ATP2B2: variants seen among roughly 807,000 people sequenced by gnomAD.
The protein encoded by ATP2B2 is ATPase plasma membrane Ca2+ transporting 2, also known as plasma membrane calcium-transporting ATPase 2.
ATP2B2 carries 15 observed loss-of-function variants against 120.0 expected under a neutral mutation model. The ratio of observed to expected loss-of-function variants is 0.12; its 90% CI spans 0.08 to 0.19. The LOEUF (loss-of-function observed/expected upper bound fraction) is 0.19, where lower values mean the gene tolerates loss of function less well. Among genes scored for constraint, ATP2B2 ranks in the 10% least tolerant of loss-of-function variants. The pLI is 1.00. For synonymous variants in ATP2B2, 694 were observed against 700.3 expected, an observed-to-expected ratio of 0.99 and a Z score of 0.14; for missense variants, 1,045 against 1,719.8, an observed-to-expected ratio of 0.61 and a Z score of 6.94.
At chr3:10,572,972 T>C (rs778245344) in intron 2 of ATP2B2, among the ~76,000 whole-genome samples, 1 of 152,186 alleles carries the variant, frequency 6.6e-6, no homozygotes, top group Non-Finnish European at 1.5e-5. Flanking sequence ...TAATCACTAA[T>C]GATGGAATTT....
chr3:10,469,479 T>C (rs976632866), intron 1 of ATP2B2, among the ~76,000 whole-genome samples: 1 of 152,166 alleles, frequency 6.6e-6, no homozygotes, highest in Non-Finnish European at 1.5e-5. Flanking sequence ...AAGGGTGATA[T>C]GATTTGTTAA....
At chr3:10,628,671 C>T (rs1175981211) in intron 1 of ATP2B2, among the ~76,000 whole-genome samples, 1 of 152,220 alleles carries the variant, frequency 6.6e-6, no homozygotes, top group South Asian at 2.1e-4. Context: ...ATAGCAACTG[C>T]CACGGTGGGA....
At chr3:10,394,445 T>C (rs1301986159) in intron 5 of ATP2B2, 2 of 470,898 alleles carry the variant, frequency 4.2e-6, no homozygotes, top group African/African-American at 4.0e-5. Context: ...GCTTGAGTGA[T>C]GGCCCAGGGT....
chr3:10,449,437 T>C lies in ATP2B2; in HGVS notation c.107A>G (p.Glu36Gly). ...GACCACAGCCTCAGTGCCCCGCAGCTCCATGAGGGAGCGGAGCTCCTCCAT... is the reference window on the plus strand; with the variant it reads ...GACCACAGCCTCAGTGCCCCGCAGCCCCATGAGGGAGCGGAGCTCCTCCAT... ...CTMEELRSLM[E>G]LRGTEAVVKI... The change falls in exon 2 of 23, where the codon GAG becomes GGG. Residue 36 changes from glutamate to glycine, a missense_variant. Glu to Gly is a moderately conservative substitution (Grantham distance 98). Around this residue, in one of 11 missense-constraint regions of ATP2B2, gnomAD observed 139 missense variants for 134.2 expected, o/e 1.04. Coordinates refer to ENST00000360273, the MANE Select transcript of ATP2B2 (RefSeq NM_001001331.4). 6.2e-7 allele frequency: 1 copy of C among 1,614,234 alleles called. No individual in the cohort carries two copies. The highest frequency in any genetic ancestry group is 8.5e-7 in the Non-Finnish European group (1 of 1,180,048).
intron 1 of ATP2B2, among the ~76,000 whole-genome samples, chr3:10,659,348 C>A (rs1299708109): frequency 2.0e-5 from 3 of 152,098 alleles, no homozygotes; most frequent in Admixed American, 2.0e-4. Flanking sequence ...TTCAGGAAAC[C>A]CATCTCATGT....
chr3:10,354,421 A>T (rs1342976393), intron 14 of ATP2B2, among the ~76,000 whole-genome samples: 1 of 152,210 alleles, frequency 6.6e-6, no homozygotes. Flanking sequence ...TATCCTAGAT[A>T]TTTCTCACTG....
intron 2 of ATP2B2, among the ~76,000 whole-genome samples, chr3:10,561,434 G>A (rs1191259786): frequency 6.6e-6 from 1 of 152,184 alleles, no homozygotes; most frequent in African/African-American, 2.4e-5. Context: ...TGCAATGCCT[G>A]GCACAGGGGA....
At chr3:10,432,059 G>T (rs963254540) in intron 2 of ATP2B2, among the ~76,000 whole-genome samples, 7 of 152,226 alleles carry the variant, frequency 4.6e-5, no homozygotes, top group Admixed American at 6.5e-5. Context: ...ACATGAAATA[G>T]GGAGAGGAAA....
chr3:10,498,845 A>T (rs2066265232), intron 1 of ATP2B2, among the ~76,000 whole-genome samples: 1 of 152,092 alleles, frequency 6.6e-6, no homozygotes, highest in Non-Finnish European at 1.5e-5. Context: ...CCCAAATCAA[A>T]TCCACCCTCC....
chr3:10,374,500 C>T (rs1293199399), intron 11 of ATP2B2, among the ~76,000 whole-genome samples: 1 of 152,268 alleles, frequency 6.6e-6, no homozygotes, highest in African/African-American at 2.4e-5. Flanking sequence ...CTGCCAATTT[C>T]TCAGAGTGAA....
intron 3 of ATP2B2, among the ~76,000 whole-genome samples, chr3:10,512,455 A>AGTGTGT (rs1354062474): frequency 8.1e-6 from 1 of 123,824 alleles, no homozygotes; most frequent in Non-Finnish European, 1.6e-5. Flanking sequence ...TGGGTGCTAA[A>AGTGTGT]GTGTGTGCGC....
At chr3:10,392,165 C>G (rs1465636912) in intron 5 of ATP2B2, among the ~76,000 whole-genome samples, 1 of 152,148 alleles carries the variant, frequency 6.6e-6, no homozygotes, top group Non-Finnish European at 1.5e-5. Context: ...GGAGTGTCCT[C>G]TGGGCCTCCC....
chr3:10,551,438 A>T (rs2125513494), intron 2 of ATP2B2, among the ~76,000 whole-genome samples: 1 of 152,346 alleles, frequency 6.6e-6, no homozygotes, highest in Non-Finnish European at 1.5e-5. Flanking sequence ...GATCACTGTC[A>T]GTGCTACTTG....
In ATP2B2 at chr3:10,400,445, G is replaced by T. The variant is rs151294351; in HGVS notation, c.781+508C>A. 1.5e-4 allele frequency among the ~76,000 whole-genome samples: 23 copies of T among 152,278 alleles called. No homozygotes were observed. The East Asian group carries it at 4.4e-3, about 29-fold the overall frequency. On this transcript the variant is annotated intron_variant, in intron 5 of 22. Coordinates refer to ENST00000360273, the MANE Select transcript of ATP2B2 (RefSeq NM_001001331.4). ...CATCACCCACACTCAGCACACCTTT[G>T]CCCTGTTTGTTTTCTTCACACACTT...
chr3:10,347,463 C>T lies in ATP2B2; in HGVS notation c.2405-1326G>A, dbSNP rs540787165. 6.6e-6 allele frequency among the ~76,000 whole-genome samples: 1 copy of T among 152,228 alleles called. No homozygotes were observed. The highest frequency in any genetic ancestry group is 2.1e-4 in the South Asian group (1 of 4,832). Reference sequence around the variant, plus strand: ...GACGGCAGCAGCCTGTGGAATGAGGCGCTGAGTTCCATAACCTGGGGCACT... The same window carrying T: ...GACGGCAGCAGCCTGTGGAATGAGGTGCTGAGTTCCATAACCTGGGGCACT... On this transcript the variant is annotated intron_variant, in intron 16 of 22. Coordinates refer to ENST00000360273, the MANE Select transcript of ATP2B2 (RefSeq NM_001001331.4). This position sits in a 1 kb window ranked among gnomAD's most constrained non-coding sequence, Gnocchi z 5.2.
chr3:10,673,862 A>G (rs989637666), intron 1 of ATP2B2, among the ~76,000 whole-genome samples: 1 of 150,832 alleles, frequency 6.6e-6, no homozygotes, highest in Non-Finnish European at 1.5e-5. Context: ...AGGAAGGAAG[A>G]GAAAGCAAGC....
At chr3:10,444,039 C>T (rs2063754356) in intron 2 of ATP2B2, among the ~76,000 whole-genome samples, 1 of 152,218 alleles carries the variant, frequency 6.6e-6, no homozygotes, top group Non-Finnish European at 1.5e-5. Flanking sequence ...TGTGTTTCCT[C>T]AGCCTCTTGC....
At chr3:10,338,900 G>A (rs1160768240) in intron 21 of ATP2B2, 1 of 164,648 alleles carries the variant, frequency 6.1e-6, no homozygotes, top group Non-Finnish European at 1.3e-5. Context: ...GGACCCTGAA[G>A]GCAGCCAATC....
rs1269794212 is a variant in ATP2B2, at chr3:10,362,787, T to C, written c.1660-2664A>G. On this transcript the variant is annotated intron_variant, in intron 12 of 22. Transcript: ENST00000360273. The stretch of plus-strand genomic sequence containing the variant: ...TTGACACAGCTTCCCATGTCTGAAG[T>C]TTGGGAAAATAAGTTCTAAGATCTT... Among the ~76,000 whole-genome samples the C allele has an allele frequency of 3.9e-5, 6 of 152,224 alleles. 1 individual carries two copies. The highest frequency in any genetic ancestry group is 3.9e-4 in the Admixed American group (6 of 15,284).
Sources: allele counts gnomAD v4.1 joint callset (sites outside exome capture counted in the v4.1 genomes callset), GRCh38; gene constraint gnomAD v4.1.1; regional missense constraint gnomAD v4.1.1; non-coding constraint Gnocchi (gnomAD v3.1); transcripts MANE v1.5; gene names NCBI Gene and HGNC (gene_info 2026-07-23, HGNC 2026-07-21).